Variants in AOAH observed in about 807,000 individuals in gnomAD.
AOAH encodes acyloxyacyl hydrolase (neutrophil).
A neutral mutation model predicts 92.2 loss-of-function variants in AOAH; 64 were observed. The observed-to-expected ratio is 0.69, with a 90% CI of 0.57 to 0.86. The LOEUF (loss-of-function observed/expected upper bound fraction) is 0.86, where lower values mean the gene tolerates loss of function less well. AOAH is among the 40% of genes least tolerant of loss of function. The pLI is 0.00. For synonymous variants in AOAH, 263 were observed against 254.5 expected (o/e 1.03, Z -0.32); for missense variants, 656 against 694.6 (o/e 0.94, Z 0.62).
intron 16 of AOAH, among the ~76,000 whole-genome samples, chr7:36,534,917 T>C (rs940825914): frequency 6.6e-6 from 1 of 151,324 alleles, no homozygotes; most frequent in Non-Finnish European, 1.5e-5. Flanking sequence ...TGTGTCTCTG[T>C]CTGTCTGTGT....
intron 13 of AOAH, among the ~76,000 whole-genome samples, chr7:36,563,147 C>CAAAAAAAAAAAAA (rs60240330): frequency 2.8e-5 from 1 of 36,062 alleles, no homozygotes; most frequent in African/African-American, 9.5e-5. Flanking sequence ...AACTCCGTCT[C>CAAAAAAAAAAAAA]AAAAAAAAAA....
At chr7:36,618,641 G>A (rs1792069030) in intron 9 of AOAH, among the ~76,000 whole-genome samples, 1 of 152,188 alleles carries the variant, frequency 6.6e-6, no homozygotes, top group African/African-American at 2.4e-5. Context: ...AGAGCATGGA[G>A]GGTCCACTGA....
At chr7:36,540,045 C>T (rs1378346333) in intron 16 of AOAH, among the ~76,000 whole-genome samples, 2 of 152,190 alleles carry the variant, frequency 1.3e-5, no homozygotes, top group East Asian at 1.9e-4. Context: ...ATTTCACCTT[C>T]TGTTAGAGGA....
chr7:36,549,354 A>T, intron 14 of AOAH, 85 bp downstream of exon 14: 3 of 1,053,484 alleles, frequency 2.8e-6, no homozygotes, highest in Non-Finnish European at 4.4e-6. Context: ...GCTCAGTAAA[A>T]ATGATTATGG....
intron 1 of AOAH, among the ~76,000 whole-genome samples, chr7:36,693,175 A>G (rs946960877): frequency 9.9e-5 from 15 of 152,188 alleles, no homozygotes; most frequent in Non-Finnish European, 2.1e-4. Context: ...ATGGTTTTCA[A>G]TGTTTTGCTC....
rs1786938303 is a variant in AOAH at position 36,558,192 on chromosome 7, T to G, written c.1022-8717A>C. ...TGGATGTCCTTTCTGTTTGTTAGTTTTCCTTCTAACAGACAGGACCCTCAG... is the reference window on the plus strand; with the variant it reads ...TGGATGTCCTTTCTGTTTGTTAGTTGTCCTTCTAACAGACAGGACCCTCAG... On this transcript the variant is annotated intron_variant, in intron 13 of 20. Transcript: ENST00000617537. 2.0e-5 allele frequency among the ~76,000 whole-genome samples: 3 copies of G among 152,178 alleles called. No homozygotes were observed. The South Asian group carries it at 6.2e-4, about 31-fold the overall frequency.
At chr7:36,662,618 T>G (rs542639106) in intron 3 of AOAH, among the ~76,000 whole-genome samples, 14 of 152,234 alleles carry the variant, frequency 9.2e-5, no homozygotes, top group African/African-American at 3.4e-4. Flanking sequence ...AGGGCTCTGG[T>G]TAATCTTTGT....
At chr7:36,558,483 G>T (rs1489149684) in intron 13 of AOAH, among the ~76,000 whole-genome samples, 1 of 152,250 alleles carries the variant, frequency 6.6e-6, no homozygotes, top group Non-Finnish European at 1.5e-5. Flanking sequence ...CAGATCTCCA[G>T]CTGTGTGCTG....
intron 1 of AOAH, among the ~76,000 whole-genome samples, chr7:36,704,993 T>C (rs1268336190): frequency 6.6e-6 from 1 of 152,136 alleles, no homozygotes; most frequent in East Asian, 1.9e-4. Context: ...GGAGCATATA[T>C]CAAAATAATA....
intron 13 of AOAH, among the ~76,000 whole-genome samples, chr7:36,558,398 G>T (rs1026638458): frequency 2.6e-5 from 4 of 152,182 alleles, no homozygotes; most frequent in African/African-American, 9.7e-5. Context: ...TGCCCCTACT[G>T]GGGGGTGCCT....
intron 2 of AOAH, among the ~76,000 whole-genome samples, chr7:36,683,676 C>G (rs987235104): frequency 4.6e-5 from 7 of 152,016 alleles, no homozygotes; most frequent in African/African-American, 1.7e-4. Context: ...AAAGGAGATA[C>G]AGATATAATA....
chr7:36,564,561 A>C (rs894710392), intron 13 of AOAH, among the ~76,000 whole-genome samples: 2 of 152,198 alleles, frequency 1.3e-5, no homozygotes, highest in Admixed American at 6.5e-5. Flanking sequence ...ATGACAGCTC[A>C]CTCAAGCTAT....
chr7:36,592,169 C>T (rs1425879881), intron 12 of AOAH, among the ~76,000 whole-genome samples: 4 of 152,130 alleles, frequency 2.6e-5, no homozygotes, highest in Non-Finnish European at 4.4e-5. Context: ...ATTCCAGATA[C>T]TTTTATTGAG....
intron 12 of AOAH, among the ~76,000 whole-genome samples, chr7:36,579,872 T>C (rs948139118): frequency 3.9e-5 from 6 of 152,262 alleles, no homozygotes; most frequent in Non-Finnish European, 7.3e-5. Flanking sequence ...ATACCTTGTA[T>C]ACTTCAATCC....
intron 12 of AOAH, among the ~76,000 whole-genome samples, chr7:36,588,975 G>A (rs992609774): frequency 6.6e-6 from 1 of 152,106 alleles, no homozygotes; most frequent in African/African-American, 2.4e-5. Context: ...TCTCCAGCTT[G>A]GTGTGACAAT....
At chr7:36,632,825 G>A (rs1247633678) in intron 5 of AOAH, among the ~76,000 whole-genome samples, 1 of 152,238 alleles carries the variant, frequency 6.6e-6, no homozygotes, top group African/African-American at 2.4e-5. Flanking sequence ...AGTGTTATGG[G>A]CATTGGCGAT....
chr7:36,608,421 A>G (rs916089380), intron 11 of AOAH, among the ~76,000 whole-genome samples: 27 of 152,216 alleles, frequency 1.8e-4, no homozygotes, highest in Admixed American at 2.0e-4. Flanking sequence ...TTTCACTTGG[A>G]AGAAATATTG....
At chr7:36,675,080 C>T (rs1386360510) in intron 2 of AOAH, among the ~76,000 whole-genome samples, 4 of 152,144 alleles carry the variant, frequency 2.6e-5, no homozygotes, top group Non-Finnish European at 5.9e-5. Context: ...CATAGTGAAA[C>T]CCCGTCTCTC....
chr7:36,601,759 G>A lies in AOAH; in HGVS notation c.847-7329C>T, dbSNP rs1411241845. Among the ~76,000 whole-genome samples the A allele has an allele frequency of 2.0e-5, 3 of 152,182 alleles. No homozygotes were observed. In the East Asian group the frequency reaches 5.8e-4, roughly 29 times the overall value. Reference sequence around the variant, plus strand: ...GTGGGGCTTTCAAGAAAGGAGTCTTGAAGGAAGTCTTATCTAACGTGTGAG... The same window carrying A: ...GTGGGGCTTTCAAGAAAGGAGTCTTAAAGGAAGTCTTATCTAACGTGTGAG... On this transcript the variant is annotated intron_variant, in intron 11 of 20. Coordinates refer to ENST00000617537, the MANE Select transcript of AOAH (RefSeq NM_001637.4).
Sources: gnomAD v4.1 joint callset for allele counts (sites outside exome capture counted in the v4.1 genomes callset) on GRCh38, gnomAD v4.1.1 for gene constraint, MANE v1.5 for transcripts, NCBI Gene and HGNC (gene_info 2026-07-23, HGNC 2026-07-21) for gene names.